CYTH3: variants seen among roughly 807,000 people sequenced by gnomAD.
The protein encoded by CYTH3 is cytohesin 3.
In CYTH3, 23 loss-of-function variants were observed where a neutral mutation model predicts 55.1. That is an observed-to-expected ratio of 0.42 (90% confidence interval 0.30 to 0.59). The LOEUF is 0.59. Among genes scored for constraint, CYTH3 ranks in the 20% least tolerant of loss-of-function variants. The pLI, the probability that CYTH3 is intolerant of heterozygous loss-of-function variation, is 0.20. For missense variants in CYTH3, 413 were observed against 524.8 expected, an observed-to-expected ratio of 0.79 and a Z score of 2.08; for synonymous variants, 249 against 194.9, an observed-to-expected ratio of 1.28 and a Z score of -2.31.
At chr7:6,219,617 G>A (rs1444353769) in intron 1 of CYTH3, among the ~76,000 whole-genome samples, 1 of 152,154 alleles carries the variant, frequency 6.6e-6, no homozygotes, top group African/African-American at 2.4e-5. Context: ...GCAAAAGCCA[G>A]GAATAGAAAC....
intron 1 of CYTH3, among the ~76,000 whole-genome samples, chr7:6,269,085 T>C (rs1394226094): frequency 9.9e-5 from 15 of 152,058 alleles, no homozygotes; most frequent in African/African-American, 3.6e-4. Context: ...TTCCTGCCAT[T>C]CCTCCTGCCA....
chr7:6,253,462 G>T (rs1457681491), intron 1 of CYTH3, among the ~76,000 whole-genome samples: 1 of 151,930 alleles, frequency 6.6e-6, no homozygotes, highest in African/African-American at 2.4e-5. Flanking sequence ...GCCTGCCTCG[G>T]CCTCTCAAAG....
rs77725824 is a variant in CYTH3, at chr7:6,211,435, G to A, written c.35-20904C>T. 9.7e-3 allele frequency among the ~76,000 whole-genome samples: 1,472 copies of A among 152,274 alleles called. 113 individuals are homozygous for A. In the East Asian group the frequency reaches 0.19, roughly 20 times the overall value. On this transcript the variant is annotated intron_variant, in intron 1 of 12. Coordinates refer to ENST00000350796, the MANE Select transcript of CYTH3 (RefSeq NM_004227.4). ...ACCACTTCATTAGCTGTGCAAGACC[G>A]GACACCTGTGCTTTGCTTTTCTCAT...
chr7:6,255,595 G>A (rs916163338), intron 1 of CYTH3, among the ~76,000 whole-genome samples: 7 of 152,176 alleles, frequency 4.6e-5, no homozygotes, highest in African/African-American at 1.7e-4. Context: ...CAGTAGTCCT[G>A]GGGGTCCAGC....
intron 5 of CYTH3, among the ~76,000 whole-genome samples, 155 bp from the exon 6 acceptor site, chr7:6,173,888 G>A (rs1033009440): frequency 6.6e-6 from 1 of 152,148 alleles, no homozygotes; most frequent in African/African-American, 2.4e-5. Flanking sequence ...TAGAGGCAGG[G>A]CTGGCCATGT....
At chr7:6,253,816 A>G (rs1027232718) in intron 1 of CYTH3, among the ~76,000 whole-genome samples, 50 of 151,564 alleles carry the variant, frequency 3.3e-4, no homozygotes, top group African/African-American at 1.1e-3. Context: ...ATGCTGTCTC[A>G]AAAATAAAAA....
intron 1 of CYTH3, among the ~76,000 whole-genome samples, chr7:6,205,984 A>G (rs1299424652): frequency 6.6e-6 from 1 of 151,990 alleles, no homozygotes; most frequent in Non-Finnish European, 1.5e-5. Flanking sequence ...AACTGCTTAA[A>G]CCCAAAACAG....
chr7:6,206,514 C>CTAAT (rs1784191929), intron 1 of CYTH3, among the ~76,000 whole-genome samples: 1 of 152,234 alleles, frequency 6.6e-6, no homozygotes, highest in Non-Finnish European at 1.5e-5. Flanking sequence ...TTGCACATGG[C>CTAAT]TATTTCAATT....
chr7:6,253,397 T>C (rs1456760180), intron 1 of CYTH3, among the ~76,000 whole-genome samples: 2 of 151,812 alleles, frequency 1.3e-5, no homozygotes, highest in African/African-American at 4.8e-5. Context: ...TTAGTAGAGA[T>C]AGGGTTTCAC....
At chr7:6,255,758 G>GTTTTTTTT (rs397889923) in intron 1 of CYTH3, among the ~76,000 whole-genome samples, 2 of 89,416 alleles carry the variant, frequency 2.2e-5, no homozygotes, top group African/African-American at 4.9e-5. Context: ...CCTTTAATCT[G>GTTTTTTTT]TTTTTTTTTT....
chr7:6,226,330 G>T (rs1779250272), intron 1 of CYTH3, among the ~76,000 whole-genome samples: 1 of 152,150 alleles, frequency 6.6e-6, no homozygotes, highest in Admixed American at 6.5e-5. Flanking sequence ...CCACATCTCT[G>T]TCTTCTGCAG....
chr7:6,173,115 C>T (rs1163109476), intron 6 of CYTH3: 4 of 979,222 alleles, frequency 4.1e-6, no homozygotes, highest in African/African-American at 1.8e-5. Context: ...AGAGCCCACG[C>T]GACTCAGCCA....
chr7:6,183,839 G>A (rs946229452), intron 4 of CYTH3, among the ~76,000 whole-genome samples: 1 of 151,894 alleles, frequency 6.6e-6, no homozygotes, highest in African/African-American at 2.4e-5. Context: ...CTGGCCTCAT[G>A]GGATTTGTGC....
intron 1 of CYTH3, among the ~76,000 whole-genome samples, chr7:6,216,396 T>G (rs1419820431): frequency 6.6e-6 from 1 of 151,924 alleles, no homozygotes; most frequent in Non-Finnish European, 1.5e-5. Flanking sequence ...TATGCAAACA[T>G]ACACCTAGAG....
chr7:6,186,227 G>A (rs1428459343), intron 4 of CYTH3, among the ~76,000 whole-genome samples: 1 of 133,820 alleles, frequency 7.5e-6, no homozygotes, highest in East Asian at 2.3e-4. Context: ...CTGGGTGACA[G>A]AGCAAGACTC....
Position 6,165,623 on chromosome 7 carries a change from G to T in CYTH3, c.901-7C>A. 1 of 1,613,952 alleles carries T rather than the reference G, an allele frequency of 6.2e-7. No homozygotes were observed. Among genetic ancestry groups the T allele is most frequent in the Non-Finnish European group, 8.5e-7 (1 of 1,179,900 alleles). On this transcript the variant is annotated splice_polypyrimidine_tract_variant and splice_region_variant and intron_variant, in intron 10 of 12. Coordinates refer to ENST00000350796, the MANE Select transcript of CYTH3 (RefSeq NM_004227.4). The stretch of plus-strand genomic sequence containing the variant: ...TTCCCCTGGGCTCCTTATCCTACAA[G>T]AGGAAAGTACACGGCGGGGCTCACT...
chr7:6,207,822 T>C (rs1784229613), intron 1 of CYTH3, among the ~76,000 whole-genome samples: 2 of 151,994 alleles, frequency 1.3e-5, no homozygotes, highest in Admixed American at 1.3e-4. Context: ...CAGTGGTATA[T>C]GCCTGTAATC....
At position 6,169,836 on chromosome 7, in the gene CYTH3, G is replaced by C. The variant is rs1331219235; in HGVS notation, c.823+699C>G. ...TTCTCTACTGCTGCGGACCCCTAGA[G>C]ACACAGGGTGGGGGGCAAGTTGGTT... On this transcript the variant is annotated intron_variant, in intron 9 of 12. Coordinates refer to ENST00000350796, the MANE Select transcript of CYTH3 (RefSeq NM_004227.4). This position sits in a 1 kb window ranked among gnomAD's most constrained non-coding sequence, Gnocchi z 4.1. Among the ~76,000 whole-genome samples, 1 of 152,106 alleles carries C rather than the reference G, an allele frequency of 6.6e-6. No individual in the cohort carries two copies. Among genetic ancestry groups the C allele is most frequent in the Non-Finnish European group, 1.5e-5 (1 of 67,998 alleles).
At chr7:6,240,889 G>C (rs1583189162) in intron 1 of CYTH3, among the ~76,000 whole-genome samples, 1 of 152,090 alleles carries the variant, frequency 6.6e-6, no homozygotes, top group East Asian at 1.9e-4. Context: ...GCCAAGGCGG[G>C]TGGATCACGA....
Sources: gnomAD v4.1 joint callset for allele counts (sites outside exome capture counted in the v4.1 genomes callset) on GRCh38, gnomAD v4.1.1 for gene constraint, Gnocchi (gnomAD v3.1) non-coding constraint, MANE v1.5 for transcripts, NCBI Gene and HGNC (gene_info 2026-07-23, HGNC 2026-07-21) for gene names.